The following GIN1 variants were observed in gnomAD, a reference collection of about 807,000 sequenced individuals.
GIN1 encodes the protein gypsy retrotransposon integrase-like protein 1.
GIN1 carries 41 observed loss-of-function variants against 51.4 expected under a neutral mutation model. The observed-to-expected ratio is 0.80, with a 90% CI of 0.62 to 1.04. The LOEUF (loss-of-function observed/expected upper bound fraction) is 1.04, where lower values mean the gene tolerates loss of function less well. Ranked by LOEUF, GIN1 falls within the 50% of genes least tolerant of loss-of-function variation. The pLI is 0.00. For missense variants in GIN1, 610 were observed against 612.4 expected (o/e 1.00, Z 0.04); for synonymous variants, 222 against 206.5 (o/e 1.07, Z -0.64).
chr5:103,110,698 T>G (rs377578662), intron 1 of GIN1, among the ~76,000 whole-genome samples: 12 of 152,138 alleles, frequency 7.9e-5, no homozygotes, highest in Admixed American at 6.5e-4. Context: ...TGAGCACAAA[T>G]TTACCCTAAA....
chr5:103,109,201 T>G lies in GIN1; in HGVS notation c.-7-487A>C, dbSNP rs1275941178. Among the ~76,000 whole-genome samples, 9 of 152,216 alleles carry G rather than the reference T, an allele frequency of 5.9e-5. No homozygotes were observed. The East Asian group carries it at 1.7e-3, about 29-fold the overall frequency. Reference sequence around the variant, plus strand: ...TCAGCCCTAAGGTGGTAACTATTTTTGCTTTTGCTAGTCTCCAGGTGCCAT... The same window carrying G: ...TCAGCCCTAAGGTGGTAACTATTTTGGCTTTTGCTAGTCTCCAGGTGCCAT... On this transcript the variant is annotated intron_variant, in intron 1 of 7. Coordinates refer to ENST00000399004, the MANE Select transcript of GIN1 (RefSeq NM_017676.2).
intron 3 of GIN1, among the ~76,000 whole-genome samples, chr5:103,106,259 T>C (rs1554196252): frequency 6.6e-6 from 1 of 152,150 alleles, no homozygotes; most frequent in African/African-American, 2.4e-5. Context: ...ATTTTGGTTA[T>C]ATTTGGTTTT....
At chr5:103,102,143 C>A (rs903744832) in intron 4 of GIN1, 1 of 151,992 alleles carries the variant, frequency 6.6e-6, no homozygotes, top group Admixed American at 6.5e-5. Flanking sequence ...ATATTTTTTT[C>A]TGTTTCTACT....
In GIN1 at chr5:103,087,988, G is replaced by C. The variant is rs1787125416; in HGVS notation, c.1479C>G (p.Ile493Met). 2 of 1,597,978 alleles carry C rather than the reference G, an allele frequency of 1.3e-6. No individual in the cohort carries two copies. The highest frequency in any genetic ancestry group is 1.7e-6 in the Non-Finnish European group (2 of 1,165,928). ...AACTATGATCGTCTATCAATGGAGAGATTTTCGTATTTCTATATTCTAATA... is the reference window on the plus strand; with the variant it reads ...AACTATGATCGTCTATCAATGGAGACATTTTCGTATTTCTATATTCTAATA... ...RELLEYRNTK[I>M]SPLIDDHSSL... The change falls in exon 8 of 8, where the codon ATC becomes ATG. Residue 493 changes from isoleucine (I) to methionine (M), a missense_variant. Physicochemically the swap from Ile to Met is conservative, Grantham distance 10 (BLOSUM62 1). Coordinates refer to ENST00000399004, the MANE Select transcript of GIN1 (RefSeq NM_017676.2).
intron 7 of GIN1, among the ~76,000 whole-genome samples, chr5:103,096,296 C>A (rs782638340): frequency 5.3e-5 from 8 of 151,864 alleles, no homozygotes; most frequent in Non-Finnish European, 1.5e-5. Context: ...GCCAAGATCG[C>A]GCCATTGCAC....
chr5:103,090,747 G>A (rs1474553697), intron 7 of GIN1, among the ~76,000 whole-genome samples: 1 of 152,080 alleles, frequency 6.6e-6, no homozygotes, highest in Admixed American at 6.6e-5. Context: ...TAGATGTAAA[G>A]CTCTTAGAAA....
In GIN1 at chr5:103,087,243, T is replaced by A. The variant is rs1407119823; in HGVS notation, c.*655A>T. 1 of 152,312 alleles carries A rather than the reference T, an allele frequency of 6.6e-6. No individual in the cohort carries two copies. The highest frequency in any genetic ancestry group is 1.5e-5 in the Non-Finnish European group (1 of 68,098). 9.4% of individuals were successfully genotyped at this position (152,312 alleles called of 1,614,324 possible). A position where few individuals can be genotyped will look rare whatever the true frequency, so the allele number is the denominator to read the frequency against. ...ATCCTGCCTTGGCTTCCCAAAGCGC[T>A]GGGATTACAGGTGTGGGCCACCATG... On this transcript the variant is annotated 3_prime_UTR_variant, in exon 8 of 8. Coordinates refer to ENST00000399004, the MANE Select transcript of GIN1 (RefSeq NM_017676.2).
Position 103,104,597 on chromosome 5 carries a change from A to C in GIN1, c.583T>G (p.Leu195Val). The change falls in exon 4 of 8, where the codon TTA becomes GTA. Residue 195 changes from leucine (L) to valine (V), a missense_variant. Physicochemically the swap from Leu to Val is conservative, Grantham distance 32. Coordinates refer to ENST00000399004, the MANE Select transcript of GIN1 (RefSeq NM_017676.2). ...VSKAIINIFF[L>V]YGPPQKIIMD... ...ATTATTTTCTGAGGAGGTCCATATA[A>C]GAAAAATATATTGATAATAGCTTTA... 1 of 1,570,618 alleles carries C rather than the reference A, an allele frequency of 6.4e-7. No homozygotes were observed. Among genetic ancestry groups the C allele is most frequent in the South Asian group, 1.1e-5 (1 of 89,998 alleles).
chr5:103,093,369 G>C (rs1259442583), intron 7 of GIN1, among the ~76,000 whole-genome samples: 1 of 152,114 alleles, frequency 6.6e-6, no homozygotes. Flanking sequence ...ACTATTGTTG[G>C]CTTTGAAGAT....
At chr5:103,116,812 G>A (rs1788043913) in intron 1 of GIN1, among the ~76,000 whole-genome samples, 1 of 151,768 alleles carries the variant, frequency 6.6e-6, no homozygotes, top group African/African-American at 2.4e-5. Flanking sequence ...ATAAACACAT[G>A]AAAAAATGCT....
In GIN1 at chr5:103,106,902, CT is replaced by C; in HGVS notation, c.146del (p.Lys49SerfsTer15). 8 of 1,548,012 alleles carry C rather than the reference CT, an allele frequency of 5.2e-6. No homozygotes were observed. Among genetic ancestry groups the C allele is most frequent in the Non-Finnish European group, 3.5e-6 (4 of 1,144,650 alleles). On this transcript the variant is annotated frameshift_variant, in exon 3 of 8. Transcript: ENST00000399004. LOFTEE classifies it high-confidence loss of function. ...TTCTGTCTTTTCCAACATAAAACAG[CT>C]TTTTTTCTGGAATAAATGATACCAA... ...AAKKFVFKEK[K>X]LFYVGKDRKQ...
chr5:103,096,434 A>C (rs112327394), intron 7 of GIN1, 107 bp downstream of exon 7: 1 of 830,726 alleles, frequency 1.2e-6, no homozygotes, highest in African/African-American at 1.7e-5. Flanking sequence ...AATTTTATGA[A>C]GAAGGGAAAA....
Position 103,096,038 on chromosome 5 carries a change from T to C in GIN1, c.1294+503A>G, listed in dbSNP as rs1043951059. ...TCTCCCACATAAACTATGAAAAACA[T>C]ACTAGAAATAAAAATAAAAATGCCC... On this transcript the variant is annotated intron_variant, in intron 7 of 7. Coordinates refer to ENST00000399004, the MANE Select transcript of GIN1 (RefSeq NM_017676.2). Among the ~76,000 whole-genome samples the C allele has an allele frequency of 3.3e-5, 5 of 151,916 alleles. No homozygotes were observed. The South Asian group carries it at 1.0e-3, about 31-fold the overall frequency.
intron 1 of GIN1, among the ~76,000 whole-genome samples, 160 bp from the exon 2 acceptor site, chr5:103,108,874 T>C (rs1329461690): frequency 2.0e-5 from 3 of 152,056 alleles, no homozygotes; most frequent in Non-Finnish European, 4.4e-5. Context: ...AACAGCGATG[T>C]ATATGAACAA....
rs113234566 is a variant in GIN1 at position 103,096,074 on chromosome 5, T to C, written c.1294+467A>G. On this transcript the variant is annotated intron_variant, in intron 7 of 7. Transcript: ENST00000399004. ...AAAATAAAAATGCCCAGGCACCCTG[T>C]TTCATGCCTGTAATCCAAGCACTTT... is the stretch of plus-strand genomic sequence containing the variant. Among the ~76,000 whole-genome samples, 1,184 of 152,100 alleles carry C rather than the reference T, an allele frequency of 7.8e-3. 21 individuals carry two copies. The highest frequency in any genetic ancestry group is 0.026 in the African/African-American group (1,075 of 41,504).
intron 7 of GIN1, among the ~76,000 whole-genome samples, chr5:103,094,822 T>C (rs1787347198): frequency 1.3e-5 from 2 of 152,160 alleles, no homozygotes; most frequent in South Asian, 4.1e-4. Flanking sequence ...AGCTCAGAAC[T>C]GAGAAGAGGT....
intron 4 of GIN1, among the ~76,000 whole-genome samples, chr5:103,100,713 T>A (rs371301682): frequency 2.0e-5 from 3 of 152,018 alleles, no homozygotes; most frequent in Middle Eastern, 3.4e-3. Flanking sequence ...TTTAGAAAAA[T>A]TTTCAAAGTC....
intron 4 of GIN1, among the ~76,000 whole-genome samples, chr5:103,099,642 C>A (rs1177487363): frequency 2.0e-5 from 3 of 152,148 alleles, no homozygotes; most frequent in Admixed American, 6.6e-5. Context: ...GAAATGGTAT[C>A]TTGACATCCT....
chr5:103,100,396 T>C (rs1554195647), intron 4 of GIN1, among the ~76,000 whole-genome samples: 1 of 151,508 alleles, frequency 6.6e-6, no homozygotes, highest in South Asian at 2.1e-4. Flanking sequence ...ATTATTATTA[T>C]TATTATTATT....
Sources: allele counts gnomAD v4.1 joint callset (sites outside exome capture counted in the v4.1 genomes callset), GRCh38; gene constraint gnomAD v4.1.1; transcripts MANE v1.5; gene names NCBI Gene and HGNC (gene_info 2026-07-23, HGNC 2026-07-21).